The following PDE4B variants were observed in gnomAD, a reference collection of about 807,000 sequenced individuals.
PDE4B encodes 3',5'-cyclic-AMP phosphodiesterase 4B.
In PDE4B, 20 loss-of-function variants were observed where a neutral mutation model predicts 82.2. The ratio of observed to expected loss-of-function variants is 0.24; its 90% confidence interval spans 0.17 to 0.35. The LOEUF (loss-of-function observed/expected upper bound fraction) is 0.35. Ranked by LOEUF, PDE4B falls within the 10% of genes least tolerant of loss-of-function variation. The pLI, the probability that PDE4B is intolerant of heterozygous loss-of-function variation, is 1.00. For missense variants in PDE4B, 655 were observed against 907.2 expected (o/e 0.72, Z 3.57); for synonymous variants, 320 against 318.9 (o/e 1.00, Z -0.04).
chr1:65,876,282 A>T (rs927486044), intron 1 of PDE4B, among the ~76,000 whole-genome samples: 1 of 152,146 alleles, frequency 6.6e-6, no homozygotes, highest in Admixed American at 6.5e-5. Flanking sequence ...GCTTGTCAAT[A>T]CTTACAGAAA....
At chr1:66,099,302 T>C (rs776831608) in intron 3 of PDE4B, among the ~76,000 whole-genome samples, 2 of 152,098 alleles carry the variant, frequency 1.3e-5, no homozygotes, top group Non-Finnish European at 2.9e-5. Flanking sequence ...ATGATCTCAT[T>C]CTTTTGTATG....
chr1:66,265,178 G>A (rs371764425), intron 6 of PDE4B, among the ~76,000 whole-genome samples: 1 of 152,164 alleles, frequency 6.6e-6, no homozygotes, highest in Non-Finnish European at 1.5e-5. Context: ...AGCAACTCTG[G>A]GGGTAGGGCC....
chr1:66,123,028 A>G (rs1645745231), intron 3 of PDE4B, among the ~76,000 whole-genome samples: 2 of 151,736 alleles, frequency 1.3e-5, no homozygotes, highest in Non-Finnish European at 2.9e-5. Context: ...CAAGAGCTCT[A>G]TATTTTGACC....
intron 3 of PDE4B, among the ~76,000 whole-genome samples, chr1:66,016,565 T>A (rs1652791998): frequency 6.6e-6 from 1 of 152,184 alleles, no homozygotes; most frequent in African/African-American, 2.4e-5. Context: ...TAGTTACAAT[T>A]GTCAACCATG....
At chr1:66,364,428 A>G (rs1340413250) in intron 12 of PDE4B, among the ~76,000 whole-genome samples, 5 of 152,206 alleles carry the variant, frequency 3.3e-5, no homozygotes, top group Non-Finnish European at 5.9e-5. Flanking sequence ...GTATACCGAT[A>G]TCATCAACAA....
At chr1:66,132,282 T>A (rs1239846323) in intron 3 of PDE4B, among the ~76,000 whole-genome samples, 1 of 152,228 alleles carries the variant, frequency 6.6e-6, no homozygotes, top group Admixed American at 6.5e-5. Flanking sequence ...TGGGAGAACA[T>A]AAGCTTTGTA....
At chr1:66,078,059 C>T (rs1656519768) in intron 3 of PDE4B, among the ~76,000 whole-genome samples, 1 of 152,072 alleles carries the variant, frequency 6.6e-6, no homozygotes, top group South Asian at 2.1e-4. Context: ...ACAGTTGGTT[C>T]TTTGTATTAT....
chr1:66,004,864 G>A (rs1275536207), intron 3 of PDE4B, among the ~76,000 whole-genome samples: 2 of 151,808 alleles, frequency 1.3e-5, no homozygotes, highest in Non-Finnish European at 2.9e-5. Context: ...TTTTTTGAGT[G>A]GAGAAGGAGT....
intron 1 of PDE4B, among the ~76,000 whole-genome samples, chr1:65,844,094 T>A (rs1646240499): frequency 6.6e-6 from 1 of 152,196 alleles, no homozygotes; most frequent in Non-Finnish European, 1.5e-5. Context: ...TATCCACATG[T>A]CTTCAATATA....
intron 1 of PDE4B, among the ~76,000 whole-genome samples, chr1:65,864,268 T>C (rs1255999502): frequency 6.6e-6 from 1 of 152,022 alleles, no homozygotes; most frequent in African/African-American, 2.4e-5. Context: ...CTGTAACCTT[T>C]TATCAAAGTT....
intron 7 of PDE4B, among the ~76,000 whole-genome samples, chr1:66,279,175 G>T (rs184000300): frequency 1.3e-5 from 2 of 152,116 alleles, no homozygotes; most frequent in East Asian, 3.9e-4. Context: ...CTGCCTAATT[G>T]CTCCCTCCTG....
rs1651301665 is a variant in PDE4B, at chr1:65,992,520, A to T, written c.281+73685A>T. 13 of 164,958 alleles carry T rather than the reference A, an allele frequency of 7.9e-5. No individual in the cohort carries two copies. In the South Asian group the frequency reaches 2.5e-3, roughly 32 times the overall value. 10.2% of individuals were successfully genotyped at this position (164,958 alleles called of 1,614,324 possible). Reference sequence around the variant, plus strand: ...TAGTGAATGCAGCTTGTTTAATAAGATTTTTTTTAAAAAAATGCATGTAAA... The same window carrying T: ...TAGTGAATGCAGCTTGTTTAATAAGTTTTTTTTTAAAAAAATGCATGTAAA... On this transcript the variant is annotated intron_variant, in intron 3 of 16. Coordinates refer to ENST00000341517, the MANE Select transcript of PDE4B (RefSeq NM_002600.4).
At chr1:66,009,048 G>C (rs77148668) in intron 3 of PDE4B, among the ~76,000 whole-genome samples, 6 of 152,008 alleles carry the variant, frequency 3.9e-5, no homozygotes, top group Admixed American at 1.3e-4. Flanking sequence ...CTTCTTGACA[G>C]CCAAAACTTA....
chr1:65,981,685 A>G (rs1650697041), intron 3 of PDE4B, among the ~76,000 whole-genome samples: 1 of 152,132 alleles, frequency 6.6e-6, no homozygotes, highest in African/African-American at 2.4e-5. Flanking sequence ...CTTTATCCGT[A>G]AAGTGTAGAT....
chr1:65,843,729 G>A (rs1646236344), intron 1 of PDE4B, among the ~76,000 whole-genome samples: 1 of 151,752 alleles, frequency 6.6e-6, no homozygotes, highest in South Asian at 2.1e-4. Context: ...AAGAAGTTTT[G>A]TATCCAAACA....
chr1:65,898,475 C>T (rs1486671845), intron 1 of PDE4B, among the ~76,000 whole-genome samples: 1 of 151,812 alleles, frequency 6.6e-6, no homozygotes, highest in African/African-American at 2.4e-5. Context: ...TCCTAAAAAT[C>T]ATATGGAACC....
chr1:66,280,116 T>C (rs977935189), intron 7 of PDE4B, among the ~76,000 whole-genome samples: 4 of 152,296 alleles, frequency 2.6e-5, no homozygotes, highest in Non-Finnish European at 5.9e-5. Context: ...TCCAGGACAA[T>C]AAAAATTTTT....
At chr1:65,884,267 G>C (rs1363865872) in intron 1 of PDE4B, among the ~76,000 whole-genome samples, 2 of 152,070 alleles carry the variant, frequency 1.3e-5, no homozygotes, top group East Asian at 3.9e-4. Flanking sequence ...GTAGAATTTG[G>C]CTGTGAATCC....
At chr1:66,164,729 A>ATTTCTT (rs1301199369) in intron 3 of PDE4B, among the ~76,000 whole-genome samples, 2 of 144,278 alleles carry the variant, frequency 1.4e-5, no homozygotes, top group Admixed American at 1.4e-4. Flanking sequence ...CTCAGACTTA[A>ATTTCTT]TTTCTTTTTC....
Sources: gnomAD v4.1 joint callset for allele counts (sites outside exome capture counted in the v4.1 genomes callset) on GRCh38, gnomAD v4.1.1 for gene constraint, MANE v1.5 for transcripts, NCBI Gene and HGNC (gene_info 2026-07-23, HGNC 2026-07-21) for gene names.